Variants in ACKR3 observed in about 807,000 individuals in gnomAD.
The protein encoded by ACKR3 is atypical chemokine receptor 3.
A neutral mutation model predicts 22.4 loss-of-function variants in ACKR3; 6 were observed. The ratio of observed to expected loss-of-function variants is 0.27; its 90% confidence interval spans 0.15 to 0.53. ACKR3 has a LOEUF of 0.53. Ranked by LOEUF, ACKR3 falls within the 20% of genes least tolerant of loss-of-function variation. The pLI is 0.96. For synonymous variants in ACKR3, 209 were observed against 205.2 expected, an observed-to-expected ratio of 1.02 and a Z score of -0.16; for missense variants, 396 against 475.2, an observed-to-expected ratio of 0.83 and a Z score of 1.55.
the ACKR3 span, among the ~76,000 whole-genome samples, chr2:236,554,069 T>C: frequency 1.3e-5 from 2 of 152,140 alleles, no homozygotes; most frequent in Non-Finnish European, 2.9e-5. Context: ...CCTGGGTGGA[T>C]ACAGAGCTCA....
chr2:236,541,865 C>A, the ACKR3 span, among the ~76,000 whole-genome samples: 2 of 152,182 alleles, frequency 1.3e-5, no homozygotes, highest in African/African-American at 2.4e-5. Context: ...TCTGCCACCA[C>A]GTAAGATGTG....
chr2:236,561,392 TC>T, the ACKR3 span, among the ~76,000 whole-genome samples: 1 of 152,222 alleles, frequency 6.6e-6, no homozygotes, highest in African/African-American at 2.4e-5. Flanking sequence ...ATTTTATTTT[TC>T]TTTAATTTCC....
chr2:236,557,735 G>C, the ACKR3 span, among the ~76,000 whole-genome samples: 1 of 152,188 alleles, frequency 6.6e-6, no homozygotes, highest in East Asian at 1.9e-4. Context: ...ATAGAGAAAA[G>C]GGAGTGGAAC....
At chr2:236,538,569 T>C in the ACKR3 span, among the ~76,000 whole-genome samples, 1 of 152,080 alleles carries the variant, frequency 6.6e-6, no homozygotes, top group South Asian at 2.1e-4. Context: ...AGTTCTAAGG[T>C]GGACCGGGGC....
At chr2:236,546,467 T>G in the ACKR3 span, among the ~76,000 whole-genome samples, 1 of 152,242 alleles carries the variant, frequency 6.6e-6, no homozygotes, top group African/African-American at 2.4e-5. The surrounding 1 kb of genome is among the most constrained non-coding windows in gnomAD (Gnocchi z 4.9). Flanking sequence ...TGTTGTCAGT[T>G]TTTGGTGGTT....
chr2:236,556,984 G>A, the ACKR3 span, among the ~76,000 whole-genome samples: 6 of 152,130 alleles, frequency 3.9e-5, no homozygotes, highest in African/African-American at 7.2e-5. Context: ...CACTGCACCC[G>A]GCCATTTGTC....
At chr2:236,544,233 C>T in the ACKR3 span, among the ~76,000 whole-genome samples, 10 of 151,750 alleles carry the variant, frequency 6.6e-5, no homozygotes, top group Non-Finnish European at 1.3e-4. The surrounding 1 kb of genome is among the most constrained non-coding windows in gnomAD (Gnocchi z 5.0). Flanking sequence ...TGTGATCTGC[C>T]CTCCTCAGCC....
At chr2:236,550,622 C>G in the ACKR3 span, among the ~76,000 whole-genome samples, 9,114 of 152,210 alleles carry the variant, frequency 0.06, 376 homozygotes, top group African/African-American at 0.11. The surrounding 1 kb of genome is among the most constrained non-coding windows in gnomAD (Gnocchi z 4.6). Flanking sequence ...CAGTCTCCCT[C>G]AGTCACCTGG....
the ACKR3 span, among the ~76,000 whole-genome samples, chr2:236,543,262 G>A: frequency 6.6e-6 from 1 of 152,224 alleles, no homozygotes; most frequent in Non-Finnish European, 1.5e-5. Flanking sequence ...ATGTGGATCA[G>A]TGGCAGGCAC....
chr2:236,555,099 G>C, the ACKR3 span, among the ~76,000 whole-genome samples: 12 of 152,228 alleles, frequency 7.9e-5, no homozygotes, highest in Non-Finnish European at 1.5e-4. Context: ...CTTCCTGTCT[G>C]AGATGCTCAG....
At chr2:236,571,618 G>GAAAAAAAAAAAAAAAA (rs397988342) in intron 1 of ACKR3, among the ~76,000 whole-genome samples, 2 of 76,622 alleles carry the variant, frequency 2.6e-5, no homozygotes, top group Non-Finnish European at 2.5e-5. Flanking sequence ...CTTTCTGAAT[G>GAAAAAAAAAAAAAAAA]AAAAAAAAAA....
chr2:236,570,747 G>A (rs1691291050), intron 1 of ACKR3, among the ~76,000 whole-genome samples: 1 of 152,158 alleles, frequency 6.6e-6, no homozygotes, highest in African/African-American at 2.4e-5. Flanking sequence ...GAGAACTTTG[G>A]AGTGAGGTCA....
upstream of ACKR3, among the ~76,000 whole-genome samples, chr2:236,565,800 T>C (rs954048245): frequency 1.3e-5 from 2 of 152,154 alleles, no homozygotes; most frequent in African/African-American, 4.8e-5. Context: ...GGAACCCAAT[T>C]CCCTTGAGTT....
At chr2:236,570,360 T>C in intron 1 of ACKR3, among the ~76,000 whole-genome samples, 1 of 152,244 alleles carries the variant, frequency 6.6e-6, no homozygotes, top group East Asian at 1.9e-4. Flanking sequence ...CAGATAAAAT[T>C]GGCAGTAAAT....
chr2:236,555,444 G>A, the ACKR3 span, among the ~76,000 whole-genome samples: 1 of 152,174 alleles, frequency 6.6e-6, no homozygotes, highest in Admixed American at 6.5e-5. Flanking sequence ...GACCCGTTTT[G>A]CTGGTCATGG....
chr2:236,575,495 CTG>C (rs773020579), intron 1 of ACKR3, among the ~76,000 whole-genome samples: 4 of 86,298 alleles, frequency 4.6e-5, no homozygotes, highest in Admixed American at 1.4e-4. Flanking sequence ...TGGGGTTGTG[CTG>C]TGTGTGTGTG....
chr2:236,540,868 T>C, the ACKR3 span, among the ~76,000 whole-genome samples: 25 of 152,372 alleles, frequency 1.6e-4, no homozygotes, highest in Non-Finnish European at 2.9e-4. Context: ...CTTTACACAA[T>C]AGCACACAGT....
chr2:236,546,682 A>G, the ACKR3 span, among the ~76,000 whole-genome samples: 2 of 152,172 alleles, frequency 1.3e-5, no homozygotes, highest in Non-Finnish European at 2.9e-5. The surrounding 1 kb of genome is among the most constrained non-coding windows in gnomAD (Gnocchi z 4.9). Flanking sequence ...CACCAGAGGC[A>G]AACAGATGTG....
Position 236,577,798 on chromosome 2 carries a change from C to T in ACKR3, c.-26-2642C>T, listed in dbSNP as rs1691442251. ...TCTAGCCCCTGTGAATGGCCCAAAC[C>T]CCAGGATTTATGGCAGCTTCTGCTG... is the stretch of plus-strand genomic sequence containing the variant. On this transcript the variant is annotated intron_variant, in intron 1 of 1. Transcript: ENST00000272928. The surrounding 1 kb of genome is among the most constrained non-coding windows in gnomAD (Gnocchi z 5.6). Among the ~76,000 whole-genome samples, 2 of 152,110 alleles carry T rather than the reference C, an allele frequency of 1.3e-5. No homozygotes were observed. Among genetic ancestry groups the T allele is most frequent in the South Asian group, 2.1e-4 (1 of 4,826 alleles).
Sources: gnomAD v4.1 joint callset for allele counts (sites outside exome capture counted in the v4.1 genomes callset) on GRCh38, gnomAD v4.1.1 for gene constraint, Gnocchi (gnomAD v3.1) non-coding constraint, MANE v1.5 for transcripts, NCBI Gene and HGNC (gene_info 2026-07-23, HGNC 2026-07-21) for gene names.